Variants in RANGAP1 observed in about 807,000 individuals in gnomAD.
The protein encoded by RANGAP1 is ran GTPase-activating protein 1.
A neutral mutation model predicts 63.5 loss-of-function variants in RANGAP1; 38 were observed. The ratio of observed to expected loss-of-function variants is 0.60; its 90% CI spans 0.46 to 0.78. The LOEUF (loss-of-function observed/expected upper bound fraction) is 0.78. RANGAP1 is among the 30% of genes least tolerant of loss of function. The pLI, the probability that RANGAP1 is intolerant of heterozygous loss-of-function variation, is 0.00. For missense variants in RANGAP1, 630 were observed against 740.3 expected (o/e 0.85, Z 1.73); for synonymous variants, 329 against 310.5 (o/e 1.06, Z -0.63).
chr22:41,280,824 G>A (rs2035454317), intron 2 of RANGAP1, 109 bp downstream of exon 2: 2 of 1,552,048 alleles, frequency 1.3e-6, no homozygotes, highest in Non-Finnish European at 1.7e-6. Flanking sequence ...AGAGCTGCTG[G>A]GACAAATAAT....
At chr22:41,267,696 TG>T (rs1410998334) in intron 4 of RANGAP1, among the ~76,000 whole-genome samples, 1 of 152,032 alleles carries the variant, frequency 6.6e-6, no homozygotes, top group African/African-American at 2.4e-5. Context: ...CAGAGAAAGA[TG>T]GGGACGGCTA....
chr22:41,285,886 G>A, intron 1 of RANGAP1, 100 bp downstream of exon 1: 1 of 188,214 alleles, frequency 5.3e-6, no homozygotes, highest in Non-Finnish European at 9.9e-6. Flanking sequence ...GAAGAAGGCC[G>A]AGGGGGCAGG....
the RANGAP1 span, among the ~76,000 whole-genome samples, chr22:41,300,941 C>G: frequency 6.6e-6 from 1 of 152,260 alleles, no homozygotes; most frequent in East Asian, 1.9e-4. Context: ...ATCCTTTCTC[C>G]TTCCTCATAA....
chr22:41,252,907 G>C lies in RANGAP1; in HGVS notation c.1345C>G (p.Leu449Val). The change falls in exon 12 of 16, where the codon CTA becomes GTA. Residue 449 changes from leucine (L) to valine (V), a missense_variant. Around this residue, in one of 3 missense-constraint regions of RANGAP1, gnomAD observed 428 missense variants for 465.5 expected, o/e 0.92. Coordinates refer to ENST00000356244, the MANE Select transcript of RANGAP1 (RefSeq NM_002883.4). ...ATCAGCACGGAGCTCTTGGGCCCTA[G>C]GCGCAGCAGCTTCTCTGGAGAGGGA... ...AFPSPEKLLR[L>V]GPKSSVLIAQ... is the part of the protein sequence containing the mutation. The C allele has an allele frequency of 6.4e-7, 1 of 1,573,714 alleles. No homozygotes were observed. Among genetic ancestry groups the C allele is most frequent in the African/African-American group, 1.4e-5 (1 of 71,412 alleles).
chr22:41,292,213 T>C, the RANGAP1 span, among the ~76,000 whole-genome samples: 1 of 151,654 alleles, frequency 6.6e-6, no homozygotes, highest in Non-Finnish European at 1.5e-5. Context: ...AATGGTGCGA[T>C]CTCGGCTCAC....
rs533620137 is a variant in RANGAP1, at chr22:41,244,868, C to T, written c.*1735G>A. Among the ~76,000 whole-genome samples, 1 of 152,334 alleles carries T rather than the reference C, an allele frequency of 6.6e-6. No homozygotes were observed. The highest frequency in any genetic ancestry group is 2.4e-5 in the African/African-American group (1 of 41,566). ...CCATCACCACTCTCCATTTCCAGAA[C>T]ATCTTCATCATCCCAGAGAATCTGT... On this transcript the variant is annotated 3_prime_UTR_variant, in exon 16 of 16. Coordinates refer to ENST00000356244, the MANE Select transcript of RANGAP1 (RefSeq NM_002883.4).
rs144117104 is a variant in RANGAP1 at position 41,249,392 on chromosome 22, G to A, written c.1632C>T (p.His544=). The A allele has an allele frequency of 7.1e-4, 1,148 of 1,614,064 alleles. 5 individuals carry two copies. The highest frequency in any genetic ancestry group is 6.3e-3 in the South Asian group (572 of 91,090). ...NLYGPLMALN[H]MVQQDYFPKA... ...TGGGGAAATAGTCCTGCTGCACCAT[G>A]TGGTTCAGCGCCATCAGGGGGCCGT... The change falls in exon 15 of 16, where the codon CAC becomes CAT. Residue 544 remains histidine, a synonymous_variant. Transcript: ENST00000356244.
chr22:41,283,725 G>C (rs1012541408), intron 1 of RANGAP1, among the ~76,000 whole-genome samples: 4 of 152,080 alleles, frequency 2.6e-5, no homozygotes, highest in African/African-American at 9.7e-5. Flanking sequence ...AGCACAGAGA[G>C]AGAGGAAAAA....
In RANGAP1 at chr22:41,246,440, AC is replaced by A; in HGVS notation, c.*162del. 1 of 693,836 alleles carries A rather than the reference AC, an allele frequency of 1.4e-6. No homozygotes were observed. The highest frequency in any genetic ancestry group is 2.4e-6 in the Non-Finnish European group (1 of 417,538). The allele number at this position is 693,836 out of a possible 1,614,324, so 43.0% of individuals were successfully genotyped here. A position where few individuals can be genotyped will look rare whatever the true frequency, so the allele number is the denominator to read the frequency against. ...AGGCACAGACCTGCACATGCGCCAC[AC>A]CCACACACATACTCAGGGGACTGAC... On this transcript the variant is annotated 3_prime_UTR_variant, in exon 16 of 16. Transcript: ENST00000356244.
chr22:41,260,988 G>A (rs2034133493), intron 6 of RANGAP1, among the ~76,000 whole-genome samples: 1 of 152,168 alleles, frequency 6.6e-6, no homozygotes, highest in Admixed American at 6.5e-5. Flanking sequence ...GAGGAGTGGG[G>A]ATAAGGTCAC....
chr22:41,297,507 C>T, the RANGAP1 span, among the ~76,000 whole-genome samples: 1 of 151,082 alleles, frequency 6.6e-6, no homozygotes, highest in South Asian at 2.1e-4. Context: ...CAGTTGGGTA[C>T]AGTACTTTTT....
In RANGAP1 at chr22:41,281,008, G is replaced by A. The variant is rs1358156305; in HGVS notation, c.37C>T (p.Leu13Phe). The A allele has an allele frequency of 1.9e-6, 3 of 1,612,092 alleles. No homozygotes were observed. Among genetic ancestry groups the A allele is most frequent in the Non-Finnish European group, 2.5e-6 (3 of 1,179,222 alleles). ...CCCCCGGCCACCTGAGTCTTGGCAA[G>A]TGTCTCTGCCAGCTTGGCAATGTCT... ...SEDIAKLAET[L>F]AKTQVAGGQL... The change falls in exon 2 of 16, where the codon CTT (leucine) becomes TTT (phenylalanine). Residue 13 changes from leucine to phenylalanine, a missense_variant. This residue lies in a region of RANGAP1 where 65 missense variants were observed against 60.5 expected (regional missense o/e 1.07). Coordinates refer to ENST00000356244, the MANE Select transcript of RANGAP1 (RefSeq NM_002883.4).
intron 15 of RANGAP1, among the ~76,000 whole-genome samples, chr22:41,248,563 G>A (rs192374890): frequency 3.9e-4 from 60 of 152,352 alleles, no homozygotes; most frequent in Non-Finnish European, 3.1e-4. Context: ...CCATGTCCCC[G>A]GATGGCGCCG....
chr22:41,300,628 C>T, the RANGAP1 span, among the ~76,000 whole-genome samples: 2 of 150,128 alleles, frequency 1.3e-5, no homozygotes, highest in Non-Finnish European at 3.0e-5. Flanking sequence ...CCCACCACCA[C>T]GCCTGGCTAA....
intron 7 of RANGAP1, 69 bp from the exon 8 acceptor site, chr22:41,256,893 G>A: frequency 8.1e-7 from 1 of 1,237,280 alleles, no homozygotes; most frequent in South Asian, 1.3e-5. Context: ...AAGCCCCGGG[G>A]GCCCCACACG....
At chr22:41,251,768 C>T (rs982015402) in intron 12 of RANGAP1, among the ~76,000 whole-genome samples, 11 of 152,128 alleles carry the variant, frequency 7.2e-5, no homozygotes, top group Admixed American at 6.5e-4. Flanking sequence ...GTGGAAAAAA[C>T]GTCAGAAACA....
At chr22:41,255,356 G>A (rs577785887) in intron 10 of RANGAP1, among the ~76,000 whole-genome samples, 119 of 152,244 alleles carry the variant, frequency 7.8e-4, no homozygotes, top group African/African-American at 2.6e-3. Flanking sequence ...TTGGAGATGC[G>A]AGGGGCACAG....
At chr22:41,246,708 C>A in intron 15 of RANGAP1, 36 bp from the exon 16 acceptor site, 1 of 1,500,220 alleles carries the variant, frequency 6.7e-7, no homozygotes, top group Non-Finnish European at 9.1e-7. Flanking sequence ...TCGGTGGATG[C>A]CTCTTGGCCT....
intron 10 of RANGAP1, among the ~76,000 whole-genome samples, chr22:41,254,986 A>AC (rs2033731235): frequency 1.3e-5 from 2 of 151,574 alleles, no homozygotes; most frequent in Admixed American, 1.3e-4. Flanking sequence ...AAAAAAACAA[A>AC]AAAAAAAAAC....
Sources: allele counts gnomAD v4.1 joint callset (sites outside exome capture counted in the v4.1 genomes callset), GRCh38; gene constraint gnomAD v4.1.1; regional missense constraint gnomAD v4.1.1; transcripts MANE v1.5; gene names NCBI Gene and HGNC (gene_info 2026-07-23, HGNC 2026-07-21).